Variants in DCAKD observed in about 807,000 individuals in gnomAD.
DCAKD encodes the protein dephospho-CoA kinase domain-containing protein.
A neutral mutation model predicts 18.7 loss-of-function variants in DCAKD; 15 were observed. The ratio of observed to expected loss-of-function variants is 0.80; its 90% CI spans 0.54 to 1.24. The LOEUF (loss-of-function observed/expected upper bound fraction) is 1.24. Ranked by LOEUF, DCAKD falls within the 50% of genes most tolerant of loss-of-function variation. The pLI is 0.00. For synonymous variants in DCAKD, 130 were observed against 133.0 expected, an observed-to-expected ratio of 0.98 and a Z score of 0.16; for missense variants, 301 against 322.0, an observed-to-expected ratio of 0.93 and a Z score of 0.50.
At chr17:45,031,065 T>C (rs374149581) in intron 3 of DCAKD, 7 of 985,344 alleles carry the variant, frequency 7.1e-6, no homozygotes, top group African/African-American at 1.7e-5. Flanking sequence ...GGGTAAGAGA[T>C]AGGAAAATGC....
intron 1 of DCAKD, among the ~76,000 whole-genome samples, chr17:45,059,230 A>G (rs1242102597): frequency 6.6e-6 from 1 of 151,952 alleles, no homozygotes; most frequent in East Asian, 1.9e-4. Flanking sequence ...ACAGAGCAAG[A>G]GAGCGAGACT....
upstream of DCAKD, among the ~76,000 whole-genome samples, chr17:45,052,747 C>T (rs796896069): frequency 1.3e-5 from 2 of 151,930 alleles, no homozygotes; most frequent in South Asian, 2.1e-4. Context: ...AGTGTGGTCT[C>T]ATTTACTCGG....
At chr17:45,037,497 T>C (rs1207687241) in intron 1 of DCAKD, among the ~76,000 whole-genome samples, 5 of 152,086 alleles carry the variant, frequency 3.3e-5, no homozygotes, top group Admixed American at 2.0e-4. Flanking sequence ...ACTCTTGTCG[T>C]TGCCCAGGCT....
intron 1 of DCAKD, among the ~76,000 whole-genome samples, chr17:45,042,122 AAG>A (rs934815162): frequency 6.6e-6 from 1 of 151,958 alleles, no homozygotes; most frequent in Non-Finnish European, 1.5e-5. Flanking sequence ...TTAAAAAAAA[AAG>A]AGTGACAGGC....
At chr17:45,038,139 C>T (rs1020957676) in intron 1 of DCAKD, among the ~76,000 whole-genome samples, 2 of 150,848 alleles carry the variant, frequency 1.3e-5, no homozygotes, top group African/African-American at 4.9e-5. Context: ...TGCAGCGGTG[C>T]AATCTGGGCC....
intron 1 of DCAKD, among the ~76,000 whole-genome samples, chr17:45,047,854 C>G (rs2053606611): frequency 6.6e-6 from 1 of 151,970 alleles, no homozygotes; most frequent in Non-Finnish European, 1.5e-5. Flanking sequence ...CTTTGGCCTC[C>G]CAAAATGTTG....
chr17:45,059,612 C>T (rs143367392), intron 1 of DCAKD, among the ~76,000 whole-genome samples: 17 of 152,252 alleles, frequency 1.1e-4, no homozygotes, highest in African/African-American at 3.4e-4. Flanking sequence ...ATATAGAATA[C>T]GCACTGGAGT....
upstream of DCAKD, among the ~76,000 whole-genome samples, chr17:45,053,383 G>T (rs1452371275): frequency 6.8e-6 from 1 of 146,188 alleles, no homozygotes; most frequent in South Asian, 2.2e-4. Flanking sequence ...ACAGCTTCCC[G>T]AGTAGCTGGG....
In DCAKD at chr17:45,036,040, G is replaced by C. The variant is rs143309167; in HGVS notation, c.-114-1041C>G. On this transcript the variant is annotated intron_variant, in intron 1 of 4. Transcript: ENST00000651974. ...CAGGAGGCTGGGCGATGCTGGTGGT[G>C]TGACTTTGAGCTGGCGTCGTGGTTT... is the stretch of plus-strand genomic sequence containing the variant. 6.6e-3 allele frequency among the ~76,000 whole-genome samples: 1,005 copies of C among 152,320 alleles called. 19 individuals carry two copies. Among genetic ancestry groups the C allele is most frequent in the African/African-American group, 0.023 (957 of 41,572 alleles).
At chr17:45,049,969 G>A (rs1043665816) in intron 1 of DCAKD, among the ~76,000 whole-genome samples, 2 of 151,420 alleles carry the variant, frequency 1.3e-5, no homozygotes, top group African/African-American at 2.4e-5. Context: ...TGATCTGCCT[G>A]CCTCAGCCTC....
At chr17:45,039,426 T>G (rs1168876355) in intron 1 of DCAKD, among the ~76,000 whole-genome samples, 1 of 152,226 alleles carries the variant, frequency 6.6e-6, no homozygotes, top group Non-Finnish European at 1.5e-5. Flanking sequence ...CTGAATTTAC[T>G]GCGAAACTTA....
intron 1 of DCAKD, among the ~76,000 whole-genome samples, chr17:45,050,752 G>T (rs979199192): frequency 6.6e-6 from 1 of 152,236 alleles, no homozygotes; most frequent in Non-Finnish European, 1.5e-5. Flanking sequence ...CGTTAGAATT[G>T]AGACTTAATG....
intron 1 of DCAKD, among the ~76,000 whole-genome samples, chr17:45,042,056 C>T (rs1343390308): frequency 6.6e-6 from 1 of 151,954 alleles, no homozygotes; most frequent in Non-Finnish European, 1.5e-5. Flanking sequence ...TTGGAGGCTG[C>T]AGTGAGCCAT....
chr17:45,031,774 T>C (rs1442047026), intron 3 of DCAKD: 8 of 985,316 alleles, frequency 8.1e-6, no homozygotes, highest in Non-Finnish European at 8.4e-6. Flanking sequence ...TCTGATAAGC[T>C]CTGCAAACCA....
At chr17:45,044,110 C>T (rs773654573) in intron 1 of DCAKD, among the ~76,000 whole-genome samples, 4 of 152,128 alleles carry the variant, frequency 2.6e-5, no homozygotes, top group Non-Finnish European at 4.4e-5. Context: ...TGCTCACAGC[C>T]GTCTAACAGT....
At chr17:45,061,080 G>T in exon 1 of DCAKD, 4 of 1,281,874 alleles carry the variant, frequency 3.1e-6, no homozygotes, top group Non-Finnish European at 4.0e-6. Flanking sequence ...CCAACCTTGC[G>T]CCCCTTCTTT....
intron 4 of DCAKD, chr17:45,026,509 G>T: frequency 1.4e-6 from 1 of 701,640 alleles, no homozygotes; most frequent in Non-Finnish European, 1.8e-6. Flanking sequence ...ACAGGTGTGA[G>T]CCACCGCGCC....
intron 4 of DCAKD, among the ~76,000 whole-genome samples, chr17:45,029,493 G>C (rs2053130620): frequency 6.6e-6 from 1 of 152,202 alleles, no homozygotes; most frequent in Non-Finnish European, 1.5e-5. Context: ...CACTGGGACA[G>C]GGACTCATTT....
chr17:45,045,818 C>T (rs894829617), intron 1 of DCAKD, among the ~76,000 whole-genome samples: 1 of 151,384 alleles, frequency 6.6e-6, no homozygotes, highest in Non-Finnish European at 1.5e-5. Context: ...TGGAACTCAA[C>T]ATTAACTTTT....
Sources: gnomAD v4.1 joint callset for allele counts (sites outside exome capture counted in the v4.1 genomes callset) on GRCh38, gnomAD v4.1.1 for gene constraint, MANE v1.5 for transcripts, NCBI Gene and HGNC (gene_info 2026-07-23, HGNC 2026-07-21) for gene names.